The following NTM variants were observed in gnomAD, a reference collection of about 807,000 sequenced individuals.
NTM encodes the protein IgLON family member 2.
A neutral mutation model predicts 42.1 loss-of-function variants in NTM; 13 were observed. The ratio of observed to expected loss-of-function variants is 0.31; its 90% CI spans 0.20 to 0.49. The LOEUF is 0.49. NTM is among the 20% of genes least tolerant of loss of function. The pLI is 0.99. For missense variants in NTM, 373 were observed against 452.8 expected (o/e 0.82, Z 1.60); for synonymous variants, 187 against 179.2 (o/e 1.04, Z -0.35).
At chr11:131,546,426 C>A (rs2053957783) in intron 1 of NTM, among the ~76,000 whole-genome samples, 4 of 152,140 alleles carry the variant, frequency 2.6e-5, no homozygotes, top group East Asian at 1.9e-4. Context: ...TCGCAAGAGA[C>A]CTGCTTTTAC....
chr11:131,962,147 T>C (rs1348945264), intron 2 of NTM, among the ~76,000 whole-genome samples: 1 of 152,106 alleles, frequency 6.6e-6, no homozygotes, highest in Non-Finnish European at 1.5e-5. Flanking sequence ...TGGGTGCATA[T>C]GTCCTGCAAT....
At chr11:132,070,135 A>T (rs1282026793) in intron 2 of NTM, among the ~76,000 whole-genome samples, 5 of 143,428 alleles carry the variant, frequency 3.5e-5, no homozygotes, top group Admixed American at 6.9e-5. Flanking sequence ...AACACGTCAC[A>T]CAGCCAAGTT....
At chr11:131,548,804 C>T (rs1203733912) in intron 1 of NTM, among the ~76,000 whole-genome samples, 1 of 152,156 alleles carries the variant, frequency 6.6e-6, no homozygotes, top group Admixed American at 6.5e-5. Context: ...AAGCCCACAG[C>T]AAACTTCCAC....
chr11:131,549,713 A>G (rs1040691873), intron 1 of NTM, among the ~76,000 whole-genome samples: 4 of 152,188 alleles, frequency 2.6e-5, no homozygotes, highest in African/African-American at 9.7e-5. Context: ...TCAGTCAGAG[A>G]TAGATTCATT....
At chr11:131,393,503 G>A (rs953899853) in intron 1 of NTM, among the ~76,000 whole-genome samples, 6 of 152,170 alleles carry the variant, frequency 3.9e-5, no homozygotes, top group East Asian at 1.9e-4. Context: ...GGGAGATCAC[G>A]CCCATTCCAT....
intron 1 of NTM, among the ~76,000 whole-genome samples, chr11:131,902,400 T>C (rs2053305162): frequency 6.6e-6 from 1 of 152,184 alleles, no homozygotes; most frequent in Non-Finnish European, 1.5e-5. Flanking sequence ...CCTACTACCA[T>C]TCCTGTCCCG....
At chr11:131,777,610 C>A (rs1258309804) in intron 1 of NTM, among the ~76,000 whole-genome samples, 3 of 151,900 alleles carry the variant, frequency 2.0e-5, no homozygotes, top group Non-Finnish European at 2.9e-5. Context: ...CCCCAAACCC[C>A]AAAATTTTAC....
rs564844140 is a variant in NTM at position 131,947,894 on chromosome 11, G to A, written c.167+36246G>A. On this transcript the variant is annotated intron_variant, in intron 2 of 8. Coordinates refer to ENST00000683400, the MANE Select transcript of NTM (RefSeq NM_001352005.2). ...ATACAATATATTGAAAGCACTTGAT[G>A]CAGAGCCTAATGTAAGTAAGCACAC... Among the ~76,000 whole-genome samples, 152 of 152,296 alleles carry A rather than the reference G, an allele frequency of 1.0e-3. 1 individual carries two copies. The highest frequency in any genetic ancestry group is 2.0e-3 in the Admixed American group (31 of 15,302).
intron 1 of NTM, among the ~76,000 whole-genome samples, chr11:131,522,357 A>G (rs868643378): frequency 8.4e-6 from 1 of 118,552 alleles, no homozygotes; most frequent in African/African-American, 3.3e-5. Flanking sequence ...GAACAACAAG[A>G]AAAAAAAAAA....
At chr11:131,730,472 C>T (rs780867017) in intron 1 of NTM, among the ~76,000 whole-genome samples, 6 of 151,798 alleles carry the variant, frequency 4.0e-5, no homozygotes, top group African/African-American at 1.5e-4. Context: ...TCCAGCACTT[C>T]GGGAGAAAAA....
At chr11:131,846,212 T>C (rs1419447637) in intron 1 of NTM, among the ~76,000 whole-genome samples, 1 of 152,212 alleles carries the variant, frequency 6.6e-6, no homozygotes, top group Admixed American at 6.5e-5. Flanking sequence ...ACCAATTTGT[T>C]GTATCCCTAT....
chr11:132,025,617 C>G (rs560832129), intron 2 of NTM, among the ~76,000 whole-genome samples: 18 of 152,282 alleles, frequency 1.2e-4, no homozygotes, highest in African/African-American at 4.1e-4. Context: ...AGTTCTCACT[C>G]CACTGTGACT....
At chr11:131,538,884 AAAT>A (rs1409965077) in intron 1 of NTM, among the ~76,000 whole-genome samples, 1 of 151,686 alleles carries the variant, frequency 6.6e-6, no homozygotes, top group Non-Finnish European at 1.5e-5. Context: ...CTCACCATAA[AAAT>A]AAGTATGTGA....
At chr11:131,982,017 T>C (rs1565878294) in intron 2 of NTM, among the ~76,000 whole-genome samples, 1 of 142,304 alleles carries the variant, frequency 7.0e-6, no homozygotes, top group Non-Finnish European at 1.6e-5. Flanking sequence ...ATCTCAAAAA[T>C]AAAAAAGAAA....
chr11:131,592,647 AACACACACACACACACAC>A lies in NTM; in HGVS notation c.82+221782_82+221799del, dbSNP rs3040142. The stretch of plus-strand genomic sequence containing the variant: ...AACACAAATACACACACACACCCCA[AACACACACACACACACAC>A]ACACACACACACACACACACACCAT... On this transcript the variant is annotated intron_variant, in intron 1 of 8. Coordinates refer to ENST00000683400, the MANE Select transcript of NTM (RefSeq NM_001352005.2). Among the ~76,000 whole-genome samples the A allele has an allele frequency of 4.3e-3, 602 of 140,788 alleles. 6 individuals are homozygous for A. Among genetic ancestry groups the A allele is most frequent in the African/African-American group, 0.014 (549 of 38,176 alleles). The allele number at this position is 140,788 out of a possible 152,430, so 92.4% of individuals were successfully genotyped here. A position where few individuals can be genotyped will look rare whatever the true frequency, so the allele number is the denominator to read the frequency against.
chr11:131,729,241 G>A (rs1009938206), intron 1 of NTM, among the ~76,000 whole-genome samples: 3 of 152,260 alleles, frequency 2.0e-5, no homozygotes, highest in South Asian at 4.1e-4. Flanking sequence ...CTGAGTGTTC[G>A]ATAAGGGTTA....
chr11:131,864,995 C>G (rs1276348477), intron 1 of NTM, among the ~76,000 whole-genome samples: 1 of 152,228 alleles, frequency 6.6e-6, no homozygotes, highest in East Asian at 1.9e-4. Flanking sequence ...CCCAGTGGGT[C>G]TCCCACCTCC....
intron 1 of NTM, among the ~76,000 whole-genome samples, chr11:131,544,283 C>G (rs2136835363): frequency 6.6e-6 from 1 of 152,284 alleles, no homozygotes; most frequent in African/African-American, 2.4e-5. Flanking sequence ...AATTAAAATA[C>G]TACAGAAGCA....
chr11:131,555,402 G>A (rs1241673941), intron 1 of NTM, among the ~76,000 whole-genome samples: 1 of 152,006 alleles, frequency 6.6e-6, no homozygotes, highest in Admixed American at 6.6e-5. Flanking sequence ...CTATATTGAG[G>A]GCAGTCTTTC....
Sources: gnomAD v4.1 joint callset for allele counts (sites outside exome capture counted in the v4.1 genomes callset) on GRCh38, gnomAD v4.1.1 for gene constraint, MANE v1.5 for transcripts, NCBI Gene and HGNC (gene_info 2026-07-23, HGNC 2026-07-21) for gene names.